The following NCAPD3 variants were observed in gnomAD, a reference collection of about 807,000 sequenced individuals.
NCAPD3 encodes the protein non-SMC condensin II complex subunit D3.
NCAPD3 carries 105 observed loss-of-function variants against 182.9 expected under a neutral mutation model. That is an observed-to-expected ratio of 0.57 (90% CI 0.49 to 0.68). The LOEUF is 0.68. Ranked by LOEUF, NCAPD3 falls within the 30% of genes least tolerant of loss-of-function variation. The probability of loss-of-function intolerance (pLI) is 0.00; values close to 1 mark genes in which losing one functional copy is unlikely to be tolerated. For missense variants in NCAPD3, 1,944 were observed against 1,837.0 expected, an observed-to-expected ratio of 1.06 and a Z score of -1.07; for synonymous variants, 815 against 679.9, an observed-to-expected ratio of 1.20 and a Z score of -3.09.
Position 134,168,171 on chromosome 11 carries a change from G to T in NCAPD3, c.3398C>A (p.Pro1133His), listed in dbSNP as rs371959012. 11 of 1,613,954 alleles carry T rather than the reference G, an allele frequency of 6.8e-6. No homozygotes were observed. In the African/African-American group the frequency reaches 1.5e-4, roughly 22 times the overall value. ...TAACTCACTGGCGTCCAGGTCCAGG[G>T]GTAGGATGCCATCAGCAAAGCACGC... ...ILACFADGIL[P>H]LDLDASELLS... The change falls in exon 27 of 35, where the codon CCC becomes CAC. Residue 1133 changes from proline to histidine, a missense_variant. Pro to His is a moderately conservative substitution (Grantham distance 77). Coordinates refer to ENST00000534548, the MANE Select transcript of NCAPD3 (RefSeq NM_015261.3).
rs138304642 is a variant in NCAPD3, at chr11:134,210,449, C to T, written c.388G>A (p.Val130Ile). ...ACTGGGTGGAATACTTGATTGGCTA[C>T]ACTGCCTATTCATGAGGAATAAAGA... is the stretch of plus-strand genomic sequence containing the variant. ...YFLLLEVPGS[V>I]ANQVFHPVMF... The change falls in exon 4 of 35, where the codon GTA (valine) becomes ATA (isoleucine). Residue 130 changes from valine (V) to isoleucine (I), a missense_variant. Val to Ile is a conservative substitution (Grantham distance 29). Coordinates refer to ENST00000534548, the MANE Select transcript of NCAPD3 (RefSeq NM_015261.3). The T allele has an allele frequency of 2.5e-6, 4 of 1,613,318 alleles. No homozygotes were observed. In the African/African-American group the frequency reaches 5.3e-5, roughly 22 times the overall value.
chr11:134,221,812 G>T (rs1938239482), intron 1 of NCAPD3, among the ~76,000 whole-genome samples: 1 of 152,172 alleles, frequency 6.6e-6, no homozygotes. Context: ...AATACAATCT[G>T]GTCATCATCT....
In NCAPD3 at chr11:134,185,406, G is replaced by A. The variant is rs372375846; in HGVS notation, c.2166C>T (p.Leu722=). Residue 722 remains leucine, a synonymous_variant, in exon 17 of 35, where the codon CTC becomes CTT. Coordinates refer to ENST00000534548, the MANE Select transcript of NCAPD3 (RefSeq NM_015261.3). The stretch of plus-strand genomic sequence containing the variant: ...TGGGTGAGGAGCCAGCAATCTTGGA[G>A]AGCAGCATCCAGGCAGGTGCCGAAT... ...TEHSAPAWML[L]SKIAGSSPRL... 22 of 1,614,150 alleles carry A rather than the reference G, an allele frequency of 1.4e-5. 1 individual carries two copies. The African/African-American group carries it at 2.8e-4, about 21-fold the overall frequency.
upstream of NCAPD3, chr11:134,224,481 G>C (rs1181731151): frequency 6.5e-6 from 1 of 153,900 alleles, no homozygotes; most frequent in Non-Finnish European, 1.5e-5. Context: ...GGCACGCGTG[G>C]GCCCAGAGCC....
Position 134,204,276 on chromosome 11 carries a change from G to A in NCAPD3, c.1090-105C>T, listed in dbSNP as rs1225959429. On this transcript the variant is annotated intron_variant, in intron 9 of 34. Transcript: ENST00000534548. This position sits in a 1 kb window ranked among gnomAD's most constrained non-coding sequence, Gnocchi z 4.3. Reference sequence around the variant, plus strand: ...AGTCAGTGAGTACAACTAGTTCAATGACCTTTAAATGTTACGTAAATGACT... The same window carrying A: ...AGTCAGTGAGTACAACTAGTTCAATAACCTTTAAATGTTACGTAAATGACT... 1.6e-6 allele frequency: 2 copies of A among 1,272,714 alleles called. No homozygotes were observed. Among genetic ancestry groups the A allele is most frequent in the Non-Finnish European group, 2.2e-6 (2 of 922,536 alleles). The allele number at this position is 1,272,714 out of a possible 1,614,324, so 78.8% of individuals were successfully genotyped here.
rs1474335900 is a variant in NCAPD3 at position 134,150,890 on chromosome 11, G to A, written c.*2054C>T. On this transcript the variant is annotated 3_prime_UTR_variant, in exon 35 of 35. Transcript: ENST00000534548. The stretch of plus-strand genomic sequence containing the variant: ...AGCAGCCAGGTGAAAGGCCTGGCGG[G>A]GAGGAAAGTGAAACGCCTGAATCAA... The A allele has an allele frequency of 6.6e-6, 1 of 152,180 alleles. No individual in the cohort carries two copies. Among genetic ancestry groups the A allele is most frequent in the Non-Finnish European group, 1.5e-5 (1 of 68,034 alleles). The allele number at this position is 152,180 out of a possible 1,614,324, so 9.4% of individuals were successfully genotyped here.
In NCAPD3 at chr11:134,192,692, A is replaced by G. The variant is rs527411827; in HGVS notation, c.2042T>C (p.Leu681Pro). The change falls in exon 16 of 35, where the codon CTG becomes CCG. Residue 681 changes from leucine (L) to proline (P), a missense_variant. Physicochemically the swap from Leu to Pro is moderately conservative, Grantham distance 98. Around this residue, in one of 3 missense-constraint regions of NCAPD3, gnomAD observed 1,803 missense variants for 1,674.6 expected, o/e 1.08. Coordinates refer to ENST00000534548, the MANE Select transcript of NCAPD3 (RefSeq NM_015261.3). ...LTLLTTESQE[L>P]SRYLNKAFHI... ...ACAGGTCATACAGTTAACCTACCTCAGTTCCTGGCTTTCGGTGGTGAGGAG... is the reference window on the plus strand; with the variant it reads ...ACAGGTCATACAGTTAACCTACCTCGGTTCCTGGCTTTCGGTGGTGAGGAG... The G allele has an allele frequency of 6.2e-7, 1 of 1,613,068 alleles. No homozygotes were observed. Among genetic ancestry groups the G allele is most frequent in the African/African-American group, 1.3e-5 (1 of 75,052 alleles).
At chr11:134,176,530 T>C (rs1318166705) in intron 23 of NCAPD3, 144 bp from the exon 24 acceptor site, 3 of 669,738 alleles carry the variant, frequency 4.5e-6, no homozygotes, top group Admixed American at 2.4e-5. Context: ...CGTCGGAATG[T>C]AGTGCCGAGA....
In NCAPD3 at chr11:134,206,704, A is replaced by C. The variant is rs1937622390; in HGVS notation, c.911T>G (p.Leu304Arg). 1 of 1,609,002 alleles carries C rather than the reference A, an allele frequency of 6.2e-7. No homozygotes were observed. Among genetic ancestry groups the C allele is most frequent in the South Asian group, 1.1e-5 (1 of 90,024 alleles). Residue 304 changes from leucine to arginine, a missense_variant, in exon 8 of 35, where the codon CTC becomes CGC. By Grantham distance (102) the Leu-to-Arg change is moderately radical (BLOSUM62 -2). This residue lies in a region of NCAPD3 where 1,803 missense variants were observed against 1,674.6 expected (regional missense o/e 1.08). Transcript: ENST00000534548. ...KVISCVFHQM[L>R]SVILMLEVGE... Reference sequence around the variant, plus strand: ...AACTTCTAACATTAATATTACACTGAGCATTTGATGGAAAACACAACTGAT... The same window carrying C: ...AACTTCTAACATTAATATTACACTGCGCATTTGATGGAAAACACAACTGAT...
rs117137642 is a variant in NCAPD3, at chr11:134,211,007, A to C, written c.383-553T>G. Among the ~76,000 whole-genome samples, 401 of 152,360 alleles carry C rather than the reference A, an allele frequency of 2.6e-3. 1 individual carries two copies. The highest frequency in any genetic ancestry group is 3.8e-3 in the Non-Finnish European group (261 of 68,032). On this transcript the variant is annotated intron_variant, in intron 3 of 34. Coordinates refer to ENST00000534548, the MANE Select transcript of NCAPD3 (RefSeq NM_015261.3). ...GGCTGAACATAAGCTACACATGCAC[A>C]GGGTAAAATTCTAAGACAGAGAGCA...
chr11:134,176,616 G>A (rs1455143024), intron 23 of NCAPD3, among the ~76,000 whole-genome samples: 1 of 152,212 alleles, frequency 6.6e-6, no homozygotes, highest in Non-Finnish European at 1.5e-5. Flanking sequence ...TAGAGGGATG[G>A]TGCCACCCTC....
intron 4 of NCAPD3, among the ~76,000 whole-genome samples, chr11:134,210,053 C>A (rs1383653497): frequency 6.6e-6 from 1 of 151,550 alleles, no homozygotes; most frequent in Non-Finnish European, 1.5e-5. Context: ...AAGACTCTGT[C>A]TCAAAAAGAA....
intron 24 of NCAPD3, among the ~76,000 whole-genome samples, chr11:134,174,489 A>G (rs1029586873): frequency 2.0e-5 from 3 of 151,680 alleles, no homozygotes; most frequent in African/African-American, 7.3e-5. Context: ...AGAAAGATAC[A>G]TATATATATA....
upstream of NCAPD3, chr11:134,224,226 C>T (rs1193294590): frequency 2.7e-5 from 14 of 527,226 alleles, no homozygotes; most frequent in Non-Finnish European, 4.7e-5. Context: ...CCTCGTTTTT[C>T]TTCAATGGGG....
Position 134,176,463 on chromosome 11 carries a change from C to A in NCAPD3, c.3022-77G>T, listed in dbSNP as rs528013268. 4.8e-5 allele frequency: 60 copies of A among 1,240,008 alleles called. No individual in the cohort carries two copies. In the South Asian group the frequency reaches 6.9e-4, roughly 14 times the overall value. The allele number at this position is 1,240,008 out of a possible 1,614,324, so 76.8% of individuals were successfully genotyped here. A position where few individuals can be genotyped will look rare whatever the true frequency, so the allele number is the denominator to read the frequency against. The stretch of plus-strand genomic sequence containing the variant: ...TCACTGTTCCCAGCCACACCCCACC[C>A]ACCACGCGGTCTGTCCCCGGCACAC... On this transcript the variant is annotated intron_variant, in intron 23 of 34. Transcript: ENST00000534548.
At chr11:134,188,373 G>A (rs527950746) in intron 16 of NCAPD3, among the ~76,000 whole-genome samples, 16 of 152,134 alleles carry the variant, frequency 1.1e-4, no homozygotes, top group Non-Finnish European at 1.8e-4. Context: ...GGACATGGGC[G>A]GGGCCAAATA....
Position 134,174,242 on chromosome 11 carries a change from G to A in NCAPD3, c.3101+2065C>T, listed in dbSNP as rs191517529. On this transcript the variant is annotated intron_variant, in intron 24 of 34. Transcript: ENST00000534548. The stretch of plus-strand genomic sequence containing the variant: ...ACAAAAAAGTACAAAAACTAGCCGA[G>A]TATGGTGGCATGCACCTGTAGTCCG... Among the ~76,000 whole-genome samples, 692 of 151,776 alleles carry A rather than the reference G, an allele frequency of 4.6e-3. 2 individuals carry two copies. The highest frequency in any genetic ancestry group is 0.029 in the South Asian group (139 of 4,804).
At chr11:134,193,951 T>C in intron 15 of NCAPD3, 65 bp downstream of exon 15, 1 of 1,506,496 alleles carries the variant, frequency 6.6e-7, no homozygotes, top group Non-Finnish European at 9.1e-7. Flanking sequence ...AGCAGGTAAT[T>C]ATTGTGTGGA....
At chr11:134,206,520 T>C (rs1937618884) in intron 8 of NCAPD3, 79 bp downstream of exon 8, 4 of 1,555,832 alleles carry the variant, frequency 2.6e-6, no homozygotes, top group Non-Finnish European at 2.6e-6. Context: ...TAAGTCTACA[T>C]GTATCAGAAA....
Sources: allele counts gnomAD v4.1 joint callset (sites outside exome capture counted in the v4.1 genomes callset), GRCh38; gene constraint gnomAD v4.1.1; regional missense constraint gnomAD v4.1.1; non-coding constraint Gnocchi (gnomAD v3.1); transcripts MANE v1.5; gene names NCBI Gene and HGNC (gene_info 2026-07-23, HGNC 2026-07-21).